Variants in OR6B3 observed in about 807,000 individuals in gnomAD.
OR6B3 encodes the protein olfactory receptor 6B3.
For missense variants in OR6B3, 315 were observed against 427.4 expected (o/e 0.74, Z 2.32); for synonymous variants, 148 against 187.8 (o/e 0.79, Z 1.73).
chr2:240,046,852 C>T (rs1266063367), intron 1 of OR6B3, 100 bp downstream of exon 2: 3 of 152,222 alleles, frequency 2.0e-5, no homozygotes, highest in African/African-American at 7.2e-5. Context: ...ATATAAAACA[C>T]ATCCATTAAT....
At chr2:240,048,409 C>T (rs763962290), upstream of OR6B3, among the ~76,000 whole-genome samples, 1 of 152,156 alleles carries the variant, frequency 6.6e-6, no homozygotes, top group Non-Finnish European at 1.5e-5. Flanking sequence ...CATCTCCGCA[C>T]TGTCTCTCCT....
the OR6B3 span, among the ~76,000 whole-genome samples, chr2:240,052,450 A>T: frequency 0.013 from 1,938 of 152,320 alleles, 19 homozygotes; most frequent in African/African-American, 0.029. This position sits in a 1 kb window ranked among gnomAD's most constrained non-coding sequence, Gnocchi z 4.5. Context: ...AACGAGCACC[A>T]CCATAAAGTC....
upstream of OR6B3, among the ~76,000 whole-genome samples, chr2:240,049,032 G>A (rs1056879791): frequency 2.6e-5 from 4 of 152,178 alleles, no homozygotes; most frequent in East Asian, 1.9e-4. Context: ...CAGTTCTCTG[G>A]GTCAGCAGGG....
chr2:240,045,084 G>A (rs753379727), exon 2 of OR6B3: 29 of 1,585,860 alleles, frequency 1.8e-5, no homozygotes, highest in Non-Finnish European at 2.2e-5. Flanking sequence ...TCCTCAGAGA[G>A]GCTGGCTGTG....
chr2:240,046,653 G>A (rs1205945811), intron 1 of OR6B3, among the ~76,000 whole-genome samples: 1 of 152,148 alleles, frequency 6.6e-6, no homozygotes, highest in Non-Finnish European at 1.5e-5. Flanking sequence ...GAGCCTCCCA[G>A]GCCAAGAAGG....
upstream of OR6B3, among the ~76,000 whole-genome samples, chr2:240,049,397 T>C (rs1259679652): frequency 1.3e-5 from 2 of 152,158 alleles, no homozygotes; most frequent in Non-Finnish European, 2.9e-5. Flanking sequence ...GGTATGAAAC[T>C]CGAATGTTGT....
chr2:240,047,033 A>G (rs1284060133), upstream of OR6B3: 1 of 152,268 alleles, frequency 6.6e-6, no homozygotes, highest in Non-Finnish European at 1.5e-5. Flanking sequence ...TTTCCACAAC[A>G]GAAGCAGTGA....
chr2:240,045,047 T>C, downstream of OR6B3: 1 of 1,532,402 alleles, frequency 6.5e-7, no homozygotes, highest in Non-Finnish European at 8.7e-7. Context: ...AATGCGGTAC[T>C]ACAATAATGC....
At chr2:240,050,730 A>AG (rs1698247107), upstream of OR6B3, among the ~76,000 whole-genome samples, 1 of 69,756 alleles carries the variant, frequency 1.4e-5, no homozygotes, top group Non-Finnish European at 2.5e-5. Context: ...ACAAAAAAAA[A>AG]AAAAAAAGGA....
At chr2:240,046,046 G>A (rs768939246) in exon 2 of OR6B3, 11 of 1,613,360 alleles carry the variant, frequency 6.8e-6, no homozygotes, top group Admixed American at 6.7e-5. Flanking sequence ...TGAAGGTGCC[G>A]ACCCTGGTGA....
chr2:240,045,301 T>C (rs1167048409), exon 2 of OR6B3: 1 of 1,613,994 alleles, frequency 6.2e-7, no homozygotes, highest in Non-Finnish European at 8.5e-7. Context: ...CGGACATACA[T>C]GAAAAGCAAG....
the OR6B3 span, among the ~76,000 whole-genome samples, chr2:240,052,137 T>A: frequency 1.3e-5 from 2 of 152,250 alleles, no homozygotes; most frequent in African/African-American, 4.8e-5. The surrounding 1 kb of genome is among the most constrained non-coding windows in gnomAD (Gnocchi z 4.5). Flanking sequence ...AGTCTTCCTG[T>A]ATACCAACAA....
In OR6B3 at chr2:240,045,192, T is replaced by C. The variant is rs748439736; in HGVS notation, c.881A>G (p.Asn294Ser). 3 of 1,614,240 alleles carry C rather than the reference T, an allele frequency of 1.9e-6. No individual in the cohort carries two copies. In the East Asian group the frequency reaches 6.7e-5, roughly 36 times the overall value. ...TTTCAAGGCATTCTTAAATTCCTTATTCCTCAGGCAGTATATCAAGGGGTT... is the reference window on the plus strand; with the variant it reads ...TTTCAAGGCATTCTTAAATTCCTTACTCCTCAGGCAGTATATCAAGGGGTT... The change falls in exon 2 of 2, where the codon AAT (asparagine) becomes AGT (serine). Residue 294 changes from asparagine to serine, a missense_variant. By Grantham distance (46) the Asn-to-Ser change is conservative (BLOSUM62 1). Coordinates refer to ENST00000641019, the Ensembl canonical transcript of OR6B3.
upstream of OR6B3, among the ~76,000 whole-genome samples, chr2:240,050,485 C>T (rs1204365758): frequency 2.6e-5 from 4 of 152,080 alleles, no homozygotes; most frequent in South Asian, 2.1e-4. Flanking sequence ...GAGGCCGAGG[C>T]GGGCAGATCA....
chr2:240,051,198 C>T (rs555786532), upstream of OR6B3, among the ~76,000 whole-genome samples: 11 of 152,088 alleles, frequency 7.2e-5, no homozygotes, highest in African/African-American at 2.7e-4. Context: ...TGGAGACCCA[C>T]CAAATGACAG....
upstream of OR6B3, among the ~76,000 whole-genome samples, chr2:240,048,107 T>C (rs1698216073): frequency 6.6e-6 from 1 of 152,326 alleles, no homozygotes; most frequent in Admixed American, 6.5e-5. Context: ...AGGGAGTTGT[T>C]AAAACACCTG....
exon 2 of OR6B3, chr2:240,046,016 C>A: frequency 1.2e-6 from 2 of 1,612,780 alleles, no homozygotes; most frequent in Non-Finnish European, 1.7e-6. Context: ...GCCCTGGGGC[C>A]GTGGGGAAGC....
chr2:240,045,155 G>A, exon 2 of OR6B3: 3 of 1,614,202 alleles, frequency 1.9e-6, no homozygotes, highest in South Asian at 1.1e-5. Context: ...AGCTCGTCAA[G>A]CCGAAGGCTT....
In OR6B3 at chr2:240,045,393, C is replaced by T. The variant is rs765762579; in HGVS notation, c.680G>A (p.Arg227His). ...CCAGCAGCCGGTGGCCGAGGGGATGCGCAGGACAGCCAGGGTGATGTGCGC... is the reference window on the plus strand; with the variant it reads ...CCAGCAGCCGGTGGCCGAGGGGATGTGCAGGACAGCCAGGGTGATGTGCGC... Residue 227 changes from arginine (R) to histidine (H), a missense_variant, in exon 2 of 2, where the codon CGC becomes CAC. By Grantham distance (29) the Arg-to-His change is conservative. Coordinates refer to ENST00000641019, the Ensembl canonical transcript of OR6B3. The T allele has an allele frequency of 8.7e-6, 14 of 1,613,944 alleles. No homozygotes were observed. The highest frequency in any genetic ancestry group is 1.6e-4 in the Middle Eastern group (1 of 6,084).
Sources: allele counts gnomAD v4.1 joint callset (sites outside exome capture counted in the v4.1 genomes callset), GRCh38; gene constraint gnomAD v4.1.1; non-coding constraint Gnocchi (gnomAD v3.1); transcripts MANE v1.5; gene names NCBI Gene and HGNC (gene_info 2026-07-23, HGNC 2026-07-21).